Variants in NAMPT observed in about 807,000 individuals in gnomAD.
NAMPT encodes nicotinamide phosphoribosyltransferase.
In NAMPT, 7 loss-of-function variants were observed where a neutral mutation model predicts 58.7. The observed-to-expected ratio is 0.12, with a 90% CI of 0.07 to 0.22. The LOEUF is 0.22. NAMPT is among the 10% of genes least tolerant of loss of function. The pLI is 1.00. For synonymous variants in NAMPT, 145 were observed against 198.1 expected, an observed-to-expected ratio of 0.73 and a Z score of 2.25; for missense variants, 271 against 567.9, an observed-to-expected ratio of 0.48 and a Z score of 5.31.
At chr7:106,263,087 T>C (rs928222437) in intron 7 of NAMPT, 19 of 336,410 alleles carry the variant, frequency 5.6e-5, no homozygotes, top group Non-Finnish European at 1.0e-4. Flanking sequence ...GCAAATAAGT[T>C]TGGTGCCCAA....
chr7:106,256,201 G>A (rs1027545294), intron 8 of NAMPT, among the ~76,000 whole-genome samples: 10 of 152,242 alleles, frequency 6.6e-5, no homozygotes, highest in African/African-American at 1.9e-4. Context: ...ATCCATAACT[G>A]AAACACAACA....
intron 3 of NAMPT, among the ~76,000 whole-genome samples, 167 bp downstream of exon 3, chr7:106,274,779 T>A (rs1447093181): frequency 6.6e-6 from 1 of 152,126 alleles, no homozygotes; most frequent in Non-Finnish European, 1.5e-5. Flanking sequence ...AGCTTGAACC[T>A]AGGAAGCAGA....
chr7:106,254,847 T>C (rs1792171201), intron 8 of NAMPT, among the ~76,000 whole-genome samples: 1 of 152,158 alleles, frequency 6.6e-6, no homozygotes, highest in Admixed American at 6.6e-5. Context: ...CTCGTTAAGT[T>C]ATTGTCCAGA....
At chr7:106,255,508 ACTTT>A (rs573237406) in intron 8 of NAMPT, among the ~76,000 whole-genome samples, 83 of 152,316 alleles carry the variant, frequency 5.4e-4, no homozygotes, top group South Asian at 2.1e-3. Flanking sequence ...TCTCGAATTG[ACTTT>A]CTTTGTTTTC....
rs1586007659 is a variant in NAMPT at position 106,249,773 on chromosome 7, A to C, written c.*1310T>G. 2 of 152,076 alleles carry C rather than the reference A, an allele frequency of 1.3e-5. No homozygotes were observed. The highest frequency in any genetic ancestry group is 3.9e-4 in the East Asian group (2 of 5,178). 9.4% of individuals were successfully genotyped at this position (152,076 alleles called of 1,614,324 possible). ...TTTGGCCTTTGGGCTATAGTTGGCC[A>C]ACCGCTGCCTCAGAAGAACAGATCT... On this transcript the variant is annotated 3_prime_UTR_variant, in exon 11 of 11. Transcript: ENST00000222553.
chr7:106,275,594 T>C (rs1792620986), intron 2 of NAMPT: 1 of 152,302 alleles, frequency 6.6e-6, no homozygotes, highest in Non-Finnish European at 1.5e-5. Context: ...CCACTTACAA[T>C]AATGCTGGCC....
chr7:106,280,688 T>C (rs1792744639), intron 1 of NAMPT, among the ~76,000 whole-genome samples: 2 of 152,244 alleles, frequency 1.3e-5, no homozygotes, highest in South Asian at 4.1e-4. Flanking sequence ...ATGCCTGTAA[T>C]CCCAGCACTT....
At chr7:106,261,120 C>T (rs1204289090) in intron 8 of NAMPT, among the ~76,000 whole-genome samples, 9 of 152,180 alleles carry the variant, frequency 5.9e-5, no homozygotes, top group Non-Finnish European at 4.4e-5. Context: ...GCCTGCATAA[C>T]ACTTATACTA....
intron 7 of NAMPT, among the ~76,000 whole-genome samples, chr7:106,262,075 T>C (rs547883134): frequency 6.6e-5 from 10 of 152,104 alleles, no homozygotes; most frequent in Non-Finnish European, 1.5e-4. Flanking sequence ...GATTATACTT[T>C]TAATTTGGAC....
chr7:106,273,240 C>T (rs989379736), intron 3 of NAMPT, among the ~76,000 whole-genome samples: 2 of 152,182 alleles, frequency 1.3e-5, no homozygotes, highest in Admixed American at 1.3e-4. Flanking sequence ...AATTAACACT[C>T]GAGTATGACT....
intron 1 of NAMPT, among the ~76,000 whole-genome samples, chr7:106,279,187 C>G (rs1172367271): frequency 6.6e-6 from 1 of 152,130 alleles, no homozygotes; most frequent in East Asian, 1.9e-4. Context: ...CTTAGAATGC[C>G]TTCTCTGAAA....
rs531468570 is a variant in NAMPT at position 106,259,826 on chromosome 7, G to A, written c.1089+1762C>T. On this transcript the variant is annotated intron_variant, in intron 8 of 10. Transcript: ENST00000222553. ...CATGAAAAACAACATTAACCTCTTT[G>A]TACATCTCCATCAGATCTCAGATGC... 2.0e-5 allele frequency among the ~76,000 whole-genome samples: 3 copies of A among 150,428 alleles called. No homozygotes were observed. The East Asian group carries it at 5.8e-4, about 29-fold the overall frequency.
At chr7:106,280,737 G>A (rs1792745674) in intron 1 of NAMPT, among the ~76,000 whole-genome samples, 1 of 151,902 alleles carries the variant, frequency 6.6e-6, no homozygotes, top group Non-Finnish European at 1.5e-5. Flanking sequence ...GTCGGGAGAT[G>A]GAGACCATCC....
At chr7:106,265,567 TAAAAAA>T (rs35685666) in intron 6 of NAMPT, among the ~76,000 whole-genome samples, 4 of 116,440 alleles carry the variant, frequency 3.4e-5, no homozygotes, top group South Asian at 2.7e-4. Flanking sequence ...CTCAAAAGCT[TAAAAAA>T]AAAAAAAAAA....
At chr7:106,277,297 C>T (rs761091154) in intron 1 of NAMPT, 118 bp from the exon 2 acceptor site, 2 of 856,420 alleles carry the variant, frequency 2.3e-6, no homozygotes, top group African/African-American at 1.7e-5. Flanking sequence ...TTGCTATTAA[C>T]CAGTTTCTTT....
chr7:106,283,849 A>T (rs906334559), intron 1 of NAMPT, among the ~76,000 whole-genome samples: 3 of 152,048 alleles, frequency 2.0e-5, no homozygotes, highest in Non-Finnish European at 2.9e-5. Flanking sequence ...AAACAAAGGA[A>T]AAAAAAAGAA....
At chr7:106,266,214 T>C (rs544109314) in intron 6 of NAMPT, among the ~76,000 whole-genome samples, 1 of 152,228 alleles carries the variant, frequency 6.6e-6, no homozygotes, top group African/African-American at 2.4e-5. Flanking sequence ...CATTTGAATA[T>C]ATAAGGAGTC....
intron 8 of NAMPT, 38 bp downstream of exon 8, chr7:106,261,550 G>A (rs1792303264): frequency 1.4e-6 from 2 of 1,423,194 alleles, no homozygotes; most frequent in East Asian, 4.6e-5. Context: ...TTAATTATAA[G>A]AAATGCCTTA....
chr7:106,268,220 A>T (rs1218497199), intron 6 of NAMPT: 1 of 303,872 alleles, frequency 3.3e-6, no homozygotes, highest in Non-Finnish European at 6.0e-6. Context: ...CCTTAAAAGA[A>T]AACTTCTATG....
Sources: allele counts gnomAD v4.1 joint callset (sites outside exome capture counted in the v4.1 genomes callset), GRCh38; gene constraint gnomAD v4.1.1; transcripts MANE v1.5; gene names NCBI Gene and HGNC (gene_info 2026-07-23, HGNC 2026-07-21).